Variants in RP1 observed in about 807,000 individuals in gnomAD.
RP1 encodes oxygen-regulated protein 1.
A neutral mutation model predicts 14.8 loss-of-function variants in RP1; 16 were observed. The observed-to-expected ratio is 1.08, with a 90% CI of 0.73 to 1.65. The LOEUF is 1.65. RP1 is among the 40% of genes most tolerant of loss of function. The pLI is 0.00. For synonymous variants in RP1, 876 were observed against 883.6 expected (o/e 0.99, Z 0.15); for missense variants, 2,631 against 2,535.0 (o/e 1.04, Z -0.81).
intron 3 of RP1, among the ~76,000 whole-genome samples, chr8:54,646,922 G>T (rs1458621964): frequency 6.6e-6 from 1 of 152,098 alleles, no homozygotes; most frequent in African/African-American, 2.4e-5. Context: ...AGCATAGCTA[G>T]AATTTTTCTA....
chr8:54,682,647 GT>G lies in RP1; in HGVS notation c.1717+2723del, dbSNP rs895030732. ...TCTTTAATTTACATTTCTCTAATGG[GT>G]TTTTTTTTCTTGTAAATTTGTTGAA... On this transcript the variant is annotated intron_variant, in intron 12 of 22. Transcript: ENST00000636932. 9.3e-5 allele frequency among the ~76,000 whole-genome samples: 14 copies of G among 150,726 alleles called. 1 individual carries two copies. Among genetic ancestry groups the G allele is most frequent in the South Asian group, 8.4e-4 (4 of 4,756 alleles).
In RP1 at chr8:54,755,726, C is replaced by T. The variant is rs142464954; in HGVS notation, c.3049C>T (p.Gln1017Ter). 6.5e-7 allele frequency: 1 copy of T among 1,534,522 alleles called. No homozygotes were observed. Among genetic ancestry groups the T allele is most frequent in the Non-Finnish European group, 8.7e-7 (1 of 1,146,138 alleles). ...GGAGAGGGGAGACTCTGGCCTCAGA[C>T]AGCTGTACAAATCTAACATGCAAGT... Residue 1017 changes from glutamine to a stop codon, truncating the protein, a stop_gained, in exon 21 of 23, where the codon CAG becomes TAG. Coordinates refer to the RP1 transcript ENST00000636932. LOFTEE classifies it high-confidence loss of function.
At chr8:54,661,303 T>TGATATATCAATGATATATATATGA (rs1248703061) in intron 6 of RP1, among the ~76,000 whole-genome samples, 2 of 83,690 alleles carry the variant, frequency 2.4e-5, no homozygotes, top group South Asian at 3.9e-4. Flanking sequence ...GATATATATA[T>TGATATATCAATGATATATATATGA]GAGATATATA....
Position 54,629,861 on chromosome 8 carries a change from T to A in RP1, c.5979T>A (p.Tyr1993Ter). 1 of 1,613,918 alleles carries A rather than the reference T, an allele frequency of 6.2e-7. No homozygotes were observed. Among genetic ancestry groups the A allele is most frequent in the Non-Finnish European group, 8.5e-7 (1 of 1,179,940 alleles). ...TTGGTGATATATTTGATCAGTTTTA[T>A]TTCAGTAACACATTTGACTTGATGG... Reference protein sequence around the residue: ...NAIGDIFDQFYFSNTFDLMGK... With the variant: ...NAIGDIFDQF The change falls in exon 4 of 4, where the codon TAT becomes TAA. Residue 1993 changes from tyrosine (Y) to a stop codon, truncating the protein, a stop_gained. Coordinates refer to ENST00000220676, the MANE Select transcript of RP1 (RefSeq NM_006269.2). LOFTEE classifies it low-confidence loss of function (END_TRUNC).
chr8:54,665,316 G>A (rs1010530441), intron 7 of RP1, among the ~76,000 whole-genome samples: 1 of 152,060 alleles, frequency 6.6e-6, no homozygotes, highest in African/African-American at 2.4e-5. Context: ...TGTGAGACTG[G>A]CTTCATGTAG....
intron 27 of RP1, among the ~76,000 whole-genome samples, chr8:54,862,537 A>C (rs1178783878): frequency 6.6e-6 from 1 of 152,200 alleles, no homozygotes; most frequent in Non-Finnish European, 1.5e-5. Flanking sequence ...AAAGTGATTT[A>C]CAAAAAAGAT....
chr8:54,808,454 T>G (rs1157065631), intron 24 of RP1, among the ~76,000 whole-genome samples: 1 of 152,208 alleles, frequency 6.6e-6, no homozygotes, highest in Non-Finnish European at 1.5e-5. Context: ...GCCTGAGCTT[T>G]GAATAGTTGT....
intron 14 of RP1, among the ~76,000 whole-genome samples, chr8:54,702,259 T>A (rs1302089164): frequency 6.6e-6 from 1 of 152,180 alleles, no homozygotes; most frequent in African/African-American, 2.4e-5. Context: ...TTAACTAGTA[T>A]AGCATAGTTA....
At chr8:54,772,293 A>G (rs1464237366), downstream of RP1, among the ~76,000 whole-genome samples, 1 of 152,064 alleles carries the variant, frequency 6.6e-6, no homozygotes, top group Non-Finnish European at 1.5e-5. Context: ...TGCCTTTGGC[A>G]TATTGCTCTT....
At chr8:54,751,889 C>G (rs1809380480) in intron 19 of RP1, among the ~76,000 whole-genome samples, 1 of 152,196 alleles carries the variant, frequency 6.6e-6, no homozygotes, top group Non-Finnish European at 1.5e-5. Context: ...ACTGTGGAGG[C>G]TTTTCAGTGG....
In RP1 at chr8:54,565,268, C is replaced by T. The variant is rs139870914; in HGVS notation, c.-13+5948C>T. On this transcript the variant is annotated intron_variant, in intron 1 of 22. Transcript: ENST00000636932. ...AGCCATGGAGGTGAACAGCAAGTAG[C>T]AAAACCTTAGCTGGGGCTGGGTGTG... Among the ~76,000 whole-genome samples the T allele has an allele frequency of 1.0e-3, 154 of 151,956 alleles. 1 individual carries two copies. The Middle Eastern group carries it at 0.014, about 13-fold the overall frequency.
chr8:54,658,896 T>TG (rs1454952024), intron 6 of RP1, among the ~76,000 whole-genome samples: 1 of 151,704 alleles, frequency 6.6e-6, no homozygotes, highest in African/African-American at 2.4e-5. Context: ...TTTTTTTTTT[T>TG]CTATTGATAC....
rs550590089 is a variant in RP1 at position 54,625,839 on chromosome 8, G to C, written c.1957G>C (p.Gly653Arg). The C allele has an allele frequency of 1.2e-6, 2 of 1,613,206 alleles. No individual in the cohort carries two copies. The highest frequency in any genetic ancestry group is 1.7e-6 in the Non-Finnish European group (2 of 1,179,960). Residue 653 changes from glycine to arginine, a missense_variant, in exon 4 of 4, where the codon GGT becomes CGT. Transcript: ENST00000220676. ...ACTAATTAATGAATTTGCTCAGTGT[G>C]GTTTAACAAAACTTCCAAAAAATGA... is the stretch of plus-strand genomic sequence containing the variant. ...DRLINEFAQC[G>R]LTKLPKNEKK... is the part of the protein sequence containing the mutation.
intron 20 of RP1, among the ~76,000 whole-genome samples, chr8:54,755,356 G>A (rs1004055041): frequency 1.3e-5 from 2 of 152,108 alleles, no homozygotes; most frequent in African/African-American, 2.4e-5. Context: ...ATACATAGAA[G>A]AACAACCTTA....
At chr8:54,804,144 G>A (rs551918707) in intron 24 of RP1, among the ~76,000 whole-genome samples, 184 of 16,644 alleles carry the variant, frequency 0.011, no homozygotes, top group African/African-American at 0.069. Flanking sequence ...TTACATATGT[G>A]GGGGGGGGCT....
intron 15 of RP1, among the ~76,000 whole-genome samples, chr8:54,719,948 T>C (rs1345679796): frequency 2.6e-5 from 4 of 152,198 alleles, no homozygotes; most frequent in Admixed American, 2.6e-4. Context: ...CATCATGTGG[T>C]CTCTGTTTCT....
intron 12 of RP1, among the ~76,000 whole-genome samples, chr8:54,694,147 C>A (rs965716972): frequency 6.6e-6 from 1 of 152,160 alleles, no homozygotes; most frequent in African/African-American, 2.4e-5. Flanking sequence ...GTTGAACCAG[C>A]CTTGCATCCC....
At chr8:54,827,752 G>A (rs1459745152) in intron 24 of RP1, among the ~76,000 whole-genome samples, 1 of 152,092 alleles carries the variant, frequency 6.6e-6, no homozygotes, top group African/African-American at 2.4e-5. Flanking sequence ...ACAAAAATTA[G>A]CCAGGCGTGG....
At chr8:54,576,361 T>C (rs1041448108) in intron 1 of RP1, among the ~76,000 whole-genome samples, 13 of 151,678 alleles carry the variant, frequency 8.6e-5, no homozygotes, top group Non-Finnish European at 1.8e-4. Context: ...TGTCAGACTC[T>C]TAACACTGAT....
Sources: gnomAD v4.1 joint callset for allele counts (sites outside exome capture counted in the v4.1 genomes callset) on GRCh38, gnomAD v4.1.1 for gene constraint, MANE v1.5 for transcripts, NCBI Gene and HGNC (gene_info 2026-07-23, HGNC 2026-07-21) for gene names.